Variants in KLK7 observed in about 807,000 individuals in gnomAD.
KLK7 encodes the protein kallikrein-7.
A neutral mutation model predicts 21.0 loss-of-function variants in KLK7; 17 were observed. The ratio of observed to expected loss-of-function variants is 0.81; its 90% CI spans 0.55 to 1.21. The LOEUF (loss-of-function observed/expected upper bound fraction) is 1.21, where lower values mean the gene tolerates loss of function less well. Ranked by LOEUF, KLK7 falls within the 50% of genes most tolerant of loss-of-function variation. The pLI, the probability that KLK7 is intolerant of heterozygous loss-of-function variation, is 0.00. For missense variants in KLK7, 330 were observed against 322.8 expected (o/e 1.02, Z -0.17); for synonymous variants, 151 against 134.6 (o/e 1.12, Z -0.85).
At chr19:50,980,073 C>G (rs3745533) in intron 4 of KLK7, 149 bp from the exon 5 acceptor site, 640,295 of 1,104,628 alleles carry the variant, frequency 0.58, 199,968 homozygotes, top group Non-Finnish European at 0.62. Context: ...GTCTGGACTC[C>G]CGGGTCTGAG....
intron 5 of KLK7, among the ~76,000 whole-genome samples, chr19:50,978,134 A>G: frequency 6.6e-6 from 1 of 152,200 alleles, no homozygotes; most frequent in African/African-American, 2.4e-5. Flanking sequence ...CCCTTTGTTC[A>G]AAAATTATTG....
At chr19:50,978,363 A>C (rs1213321894) in intron 5 of KLK7, among the ~76,000 whole-genome samples, 1 of 151,998 alleles carries the variant, frequency 6.6e-6, no homozygotes, top group East Asian at 1.9e-4. Context: ...TGCAGATGTG[A>C]GCAAGGAGGA....
At chr19:50,983,579 G>A (rs2091108729) in intron 1 of KLK7, among the ~76,000 whole-genome samples, 1 of 150,906 alleles carries the variant, frequency 6.6e-6, no homozygotes, top group Non-Finnish European at 1.5e-5. Context: ...CAGAACCCCA[G>A]CCCCTCCTCC....
chr19:50,977,858 G>A (rs1161849550), intron 5 of KLK7, among the ~76,000 whole-genome samples, 167 bp from the exon 6 acceptor site: 8 of 152,160 alleles, frequency 5.3e-5, no homozygotes, highest in African/African-American at 1.9e-4. Context: ...CTAGTGCTAG[G>A]GACACACTAG....
At chr19:50,980,977 A>G (rs1438547678) in intron 3 of KLK7, among the ~76,000 whole-genome samples, 1 of 139,540 alleles carries the variant, frequency 7.2e-6, no homozygotes, top group East Asian at 2.5e-4. Flanking sequence ...GAAGACAGAG[A>G]GCCAGGGAGA....
At chr19:50,983,918 ATCCCTCT>A, upstream of KLK7, 1 of 1,288,922 alleles carries the variant, frequency 7.8e-7, no homozygotes, top group Non-Finnish European at 1.0e-6. Flanking sequence ...CAAAATCTTC[ATCCCTCT>A]GCTGGGCCGT....
intron 3 of KLK7, among the ~76,000 whole-genome samples, 154 bp from the exon 4 acceptor site, chr19:50,980,641 AACAGAGATCCAGAGAGAGAGGGGG>A (rs2091071991): frequency 8.6e-6 from 1 of 116,568 alleles, no homozygotes; most frequent in Non-Finnish European, 1.8e-5. Flanking sequence ...GAGAGAGGGG[AACAGAGATCCAGAGAGAGAGGGGG>A]ACAGAGCCCC....
chr19:50,981,968 G>C, intron 2 of KLK7, 54 bp from the exon 3 acceptor site: 1 of 1,571,338 alleles, frequency 6.4e-7, no homozygotes, highest in South Asian at 1.1e-5. Context: ...GGAAGGCTGA[G>C]GCTGCACCTC....
rs1450563300 is a variant in KLK7 at position 50,981,906 on chromosome 19, C to T, written c.82G>A (p.Asp28Asn). ...CATGGGGCGCCATCAATAATCTTGT[C>T]ACCCTGGGCTGGATGGAGACATGGA... ...LETAGEEAQGDKIIDGAPCAR... is the reference protein window; with the variant it reads ...LETAGEEAQGNKIIDGAPCAR... Residue 28 changes from aspartate to asparagine, a missense_variant, in exon 3 of 6, where the codon GAC (aspartate) becomes AAC (asparagine). By Grantham distance (23) the Asp-to-Asn change is conservative. Coordinates refer to ENST00000595820, the MANE Select transcript of KLK7 (RefSeq NM_005046.4). 6.2e-7 allele frequency: 1 copy of T among 1,612,752 alleles called. No individual in the cohort carries two copies. The highest frequency in any genetic ancestry group is 1.7e-5 in the Admixed American group (1 of 59,958).
At position 50,980,458 on chromosome 19, in the gene KLK7, G is replaced by T; in HGVS notation, c.251C>A (p.Thr84Lys). ...CCTCTGAGCTCTCCTGTCGCCCAGC[G>T]TATCACTGCCCAGGTGCACGGTGTA... ...NEYTVHLGSDTLGDRRAQRIK... is the reference protein window; with the variant it reads ...NEYTVHLGSDKLGDRRAQRIK... Residue 84 changes from threonine (T) to lysine (K), a missense_variant, in exon 4 of 6, where the codon ACG becomes AAG. Thr to Lys is a moderately conservative substitution (Grantham distance 78). Coordinates refer to ENST00000595820, the MANE Select transcript of KLK7 (RefSeq NM_005046.4). 4 of 1,613,944 alleles carry T rather than the reference G, an allele frequency of 2.5e-6. No individual in the cohort carries two copies. The highest frequency in any genetic ancestry group is 3.4e-6 in the Non-Finnish European group (4 of 1,179,936).
intron 1 of KLK7, among the ~76,000 whole-genome samples, chr19:50,983,536 C>T (rs1489703137): frequency 1.8e-5 from 2 of 108,446 alleles, no homozygotes; most frequent in African/African-American, 7.3e-5. Context: ...GGAGTCCAGG[C>T]CCCCAGGCCC....
intron 3 of KLK7, among the ~76,000 whole-genome samples, chr19:50,981,248 G>C (rs2091082366): frequency 6.9e-6 from 1 of 144,858 alleles, no homozygotes; most frequent in Non-Finnish European, 1.5e-5. Flanking sequence ...CAGAGACCCA[G>C]AGAGAGAGGG....
chr19:50,983,948 C>T (rs1182618010), upstream of KLK7: 11 of 1,283,098 alleles, frequency 8.6e-6, no homozygotes, highest in African/African-American at 3.0e-5. Flanking sequence ...TCTTATATCA[C>T]CCCCCGCCCC....
rs77358428 is a variant in KLK7, at chr19:50,979,692, C to T, written c.606+96G>A. ...GCCAGGCCTGGGGGGAGGGCAAGGC[C>T]GGGCTTGGTACCCAGTCACTCGGGT... On this transcript the variant is annotated intron_variant, in intron 5 of 5. Coordinates refer to ENST00000595820, the MANE Select transcript of KLK7 (RefSeq NM_005046.4). The T allele has an allele frequency of 4.4e-4, 571 of 1,296,922 alleles. 3 individuals are homozygous for T. The highest frequency in any genetic ancestry group is 3.0e-3 in the East Asian group (116 of 38,882). 80.3% of individuals were successfully genotyped at this position (1,296,922 alleles called of 1,614,324 possible). A position where few individuals can be genotyped will look rare whatever the true frequency, so the allele number is the denominator to read the frequency against.
chr19:50,982,531 C>A (rs1339672539), intron 1 of KLK7, 74 bp from the exon 2 acceptor site: 10 of 1,223,966 alleles, frequency 8.2e-6, no homozygotes, highest in South Asian at 1.5e-5. Flanking sequence ...GCCCCTCCCC[C>A]CACAGACCCA....
At chr19:50,980,135 G>T in intron 4 of KLK7, 105 bp downstream of exon 4, 1 of 1,348,824 alleles carries the variant, frequency 7.4e-7, no homozygotes, top group East Asian at 2.5e-5. Context: ...GAGGGGCTGA[G>T]GCCTGGACTC....
At chr19:50,978,756 GAGAA>G (rs2091055101) in intron 5 of KLK7, among the ~76,000 whole-genome samples, 2 of 145,152 alleles carry the variant, frequency 1.4e-5, no homozygotes, top group Non-Finnish European at 3.0e-5. Flanking sequence ...ATAGAAGAAA[GAGAA>G]AGAGAGAGAC....
rs1654528 is a variant in KLK7, at chr19:50,977,584, C to T, written c.714G>A (p.Val238=). The change falls in exon 6 of 6, where the codon GTG becomes GTA. Residue 238 remains valine, a synonymous_variant. Transcript: ENST00000595820. The part of the protein sequence containing the change: ...QPNDPGVYTQ[V]CKFTKWINDT... ...CATTTATCCACTTGGTGAACTTGCA[C>T]ACTTGAGTGTAGACTCCTGGGTCAT... The T allele has an allele frequency of 2.5e-6, 4 of 1,613,822 alleles. No homozygotes were observed. Among genetic ancestry groups the T allele is most frequent in the African/African-American group, 1.3e-5 (1 of 74,934 alleles).
intron 5 of KLK7, 105 bp downstream of exon 5, chr19:50,979,683 G>C (rs2091061238): frequency 1.7e-6 from 2 of 1,160,924 alleles, no homozygotes; most frequent in Non-Finnish European, 2.5e-6. Context: ...CCTGGGGGGA[G>C]GGCAAGGCCG....
Sources: allele counts gnomAD v4.1 joint callset (sites outside exome capture counted in the v4.1 genomes callset), GRCh38; gene constraint gnomAD v4.1.1; transcripts MANE v1.5; gene names NCBI Gene and HGNC (gene_info 2026-07-23, HGNC 2026-07-21).